ABCG2: variants seen among roughly 807,000 people sequenced by gnomAD.
ABCG2 encodes the protein ATP binding cassette subfamily G member 2 (JR blood group), also known as broad substrate specificity ATP-binding cassette transporter ABCG2.
Under a neutral mutation model 73.5 loss-of-function variants are expected in ABCG2, and 80 were observed. The observed-to-expected ratio is 1.09, with a 90% CI of 0.91 to 1.31. The LOEUF is 1.31. Ranked by LOEUF, ABCG2 falls within the 50% of genes most tolerant of loss-of-function variation. ABCG2 has a pLI of 0.00. For missense variants in ABCG2, 796 were observed against 786.2 expected (o/e 1.01, Z -0.15); for synonymous variants, 269 against 282.4 (o/e 0.95, Z 0.48).
chr4:88,126,285 A>G (rs1724400732), intron 5 of ABCG2, among the ~76,000 whole-genome samples: 1 of 152,210 alleles, frequency 6.6e-6, no homozygotes, highest in African/African-American at 2.4e-5. Context: ...GCAATAATTA[A>G]TAGCCTACCA....
intron 1 of ABCG2, among the ~76,000 whole-genome samples, chr4:88,194,150 C>T (rs892737149): frequency 3.3e-5 from 5 of 152,164 alleles, no homozygotes; most frequent in African/African-American, 9.7e-5. Flanking sequence ...TTCCTCTTTC[C>T]TGTTGGCTGG....
At chr4:88,137,012 C>CAATAAAATATAA (rs71594832) in intron 2 of ABCG2, among the ~76,000 whole-genome samples, 8 of 123,414 alleles carry the variant, frequency 6.5e-5, no homozygotes, top group Non-Finnish European at 1.4e-4. Flanking sequence ...ACCTCCATCT[C>CAATAAAATATAA]AATAAAATAA....
At chr4:88,227,804 G>C (rs1730283850) in intron 1 of ABCG2, among the ~76,000 whole-genome samples, 1 of 152,196 alleles carries the variant, frequency 6.6e-6, no homozygotes, top group South Asian at 2.1e-4. Context: ...TTAATGCAAA[G>C]ATTGCAAATT....
intron 1 of ABCG2, among the ~76,000 whole-genome samples, chr4:88,142,314 C>T (rs1248935620): frequency 1.3e-5 from 2 of 152,058 alleles, no homozygotes; most frequent in Non-Finnish European, 2.9e-5. Flanking sequence ...ACTCTAGGAA[C>T]ACCAAAGAGG....
chr4:88,134,313 C>T (rs1725099664), intron 2 of ABCG2, among the ~76,000 whole-genome samples: 1 of 152,190 alleles, frequency 6.6e-6, no homozygotes, highest in African/African-American at 2.4e-5. Flanking sequence ...CACAATTGTA[C>T]AATGGCTGGT....
intron 13 of ABCG2, among the ~76,000 whole-genome samples, chr4:88,096,161 T>C (rs1721969726): frequency 6.6e-6 from 1 of 152,186 alleles, no homozygotes; most frequent in Non-Finnish European, 1.5e-5. Context: ...ATACAGAGTA[T>C]AATGTAGTGA....
intron 1 of ABCG2, among the ~76,000 whole-genome samples, chr4:88,214,339 C>G (rs951861972): frequency 6.6e-6 from 1 of 152,080 alleles, no homozygotes; most frequent in Non-Finnish European, 1.5e-5. Flanking sequence ...AACTACTGCT[C>G]TATCGTTTTG....
At chr4:88,145,801 G>A (rs539005378) in intron 1 of ABCG2, among the ~76,000 whole-genome samples, 5 of 150,122 alleles carry the variant, frequency 3.3e-5, no homozygotes, top group Admixed American at 1.3e-4. Context: ...TTAGCCGGGC[G>A]TGGTGGTGTG....
At chr4:88,187,782 A>C (rs2110105047) in intron 1 of ABCG2, among the ~76,000 whole-genome samples, 1 of 152,322 alleles carries the variant, frequency 6.6e-6, no homozygotes, top group Admixed American at 6.5e-5. Flanking sequence ...GGATGAGCTA[A>C]TTTAACAATT....
intron 1 of ABCG2, among the ~76,000 whole-genome samples, chr4:88,213,838 G>A (rs745481529): frequency 6.6e-5 from 10 of 151,392 alleles, no homozygotes; most frequent in South Asian, 2.1e-4. Flanking sequence ...ACCTGCCACC[G>A]TGCCCAGCTA....
intron 9 of ABCG2, among the ~76,000 whole-genome samples, chr4:88,108,515 G>C (rs1210801289): frequency 6.6e-6 from 1 of 152,116 alleles, no homozygotes; most frequent in Non-Finnish European, 1.5e-5. Flanking sequence ...CTGGGCGACA[G>C]AGCGATACTG....
At chr4:88,216,614 T>G (rs933375359) in intron 1 of ABCG2, among the ~76,000 whole-genome samples, 1 of 152,226 alleles carries the variant, frequency 6.6e-6, no homozygotes. Context: ...AAGCCGCTGA[T>G]AAGGCACTAT....
At chr4:88,111,888 C>T (rs1374259092) in intron 9 of ABCG2, among the ~76,000 whole-genome samples, 2 of 151,824 alleles carry the variant, frequency 1.3e-5, no homozygotes, top group African/African-American at 4.8e-5. Context: ...CCCAGGAGAT[C>T]CAGACCAGGA....
At chr4:88,126,069 A>G (rs1318319064) in intron 5 of ABCG2, among the ~76,000 whole-genome samples, 1 of 152,214 alleles carries the variant, frequency 6.6e-6, no homozygotes, top group Non-Finnish European at 1.5e-5. Context: ...AGAATCAAAT[A>G]GACACAATAA....
At chr4:88,115,533 C>T (rs958001175) in intron 7 of ABCG2, among the ~76,000 whole-genome samples, 10 of 150,182 alleles carry the variant, frequency 6.7e-5, no homozygotes, top group Non-Finnish European at 1.5e-4. Flanking sequence ...ATCCACCCGC[C>T]TCGGCCTCCC....
chr4:88,180,702 G>A lies in ABCG2; in HGVS notation c.-19-40688C>T, dbSNP rs568042859. On this transcript the variant is annotated intron_variant, in intron 1 of 15. Transcript: ENST00000515655. Reference sequence around the variant, plus strand: ...CAGAAAGTATAGGTTGCAGTGAGCTGAGATCATGCCACTGCACCCTAACCT... The same window carrying A: ...CAGAAAGTATAGGTTGCAGTGAGCTAAGATCATGCCACTGCACCCTAACCT... 2.4e-3 allele frequency among the ~76,000 whole-genome samples: 368 copies of A among 152,212 alleles called. 3 individuals carry two copies. The highest frequency in any genetic ancestry group is 6.8e-3 in the Middle Eastern group (2 of 294).
At chr4:88,193,337 G>A (rs1243664801) in intron 1 of ABCG2, among the ~76,000 whole-genome samples, 1 of 151,932 alleles carries the variant, frequency 6.6e-6, no homozygotes, top group African/African-American at 2.4e-5. Context: ...TCTCAATATT[G>A]TACGATCAAA....
In ABCG2 at chr4:88,092,371, C is replaced by T. The variant is rs1177738977; in HGVS notation, c.1831G>A (p.Glu611Lys). The T allele has an allele frequency of 3.7e-6, 6 of 1,604,936 alleles. No individual in the cohort carries two copies. Among genetic ancestry groups the T allele is most frequent in the East Asian group, 2.2e-5 (1 of 44,842 alleles). The stretch of plus-strand genomic sequence containing the variant: ...ATGCCCTGCTTTACCAAATATTCTT[C>T]GCCAGTACATCTGAAATTAAACAGA... ...NPCNYATCTG[E>K]EYLVKQGIDL... The change falls in exon 16 of 16, where the codon GAA becomes AAA. Residue 611 changes from glutamate to lysine, a missense_variant. Physicochemically the swap from Glu to Lys is moderately conservative, Grantham distance 56. Transcript: ENST00000237612.
chr4:88,139,955 T>C lies in ABCG2; in HGVS notation c.41A>G (p.Gln14Arg). 6.2e-7 allele frequency: 1 copy of C among 1,614,162 alleles called. No homozygotes were observed. Among genetic ancestry groups the C allele is most frequent in the Non-Finnish European group, 8.5e-7 (1 of 1,180,028 alleles). Residue 14 changes from glutamine (Q) to arginine (R), a missense_variant, in exon 2 of 16, where the codon CAA becomes CGA. Coordinates refer to ENST00000237612, the MANE Select transcript of ABCG2 (RefSeq NM_004827.3). ...CGCGGGGAAGCCATTGGTGTTTCCT[T>C]GTGACACTGGGATAAAAACTTCGAC... ...SNVEVFIPVS[Q>R]GNTNGFPATA...
Sources: allele counts gnomAD v4.1 joint callset (sites outside exome capture counted in the v4.1 genomes callset), GRCh38; gene constraint gnomAD v4.1.1; transcripts MANE v1.5; gene names NCBI Gene and HGNC (gene_info 2026-07-23, HGNC 2026-07-21).